ARL15: variants seen among roughly 807,000 people sequenced by gnomAD.
ARL15 encodes the protein ARF like GTPase 15, also known as ADP-ribosylation factor-like protein 15.
ARL15 carries 19 observed loss-of-function variants against 25.2 expected under a neutral mutation model. The observed-to-expected ratio is 0.75, with a 90% confidence interval of 0.53 to 1.10. The LOEUF (loss-of-function observed/expected upper bound fraction) is 1.10, where lower values mean the gene tolerates loss of function less well. ARL15 is among the 50% of genes least tolerant of loss of function. The probability of loss-of-function intolerance (pLI) is 0.00; values close to 1 mark genes in which losing one functional copy is unlikely to be tolerated. For missense variants in ARL15, 220 were observed against 246.0 expected, an observed-to-expected ratio of 0.89 and a Z score of 0.71; for synonymous variants, 94 against 86.8, an observed-to-expected ratio of 1.08 and a Z score of -0.46.
intron 4 of ARL15, among the ~76,000 whole-genome samples, chr5:53,956,088 T>C (rs1293046931): frequency 6.6e-6 from 1 of 152,042 alleles, no homozygotes; most frequent in Non-Finnish European, 1.5e-5. Flanking sequence ...CAGCATGATA[T>C]ACATTCAAAA....
rs561893509 is a variant in ARL15, at chr5:54,297,374, G to A, written c.48+13058C>T. 1.0e-3 allele frequency among the ~76,000 whole-genome samples: 159 copies of A among 152,366 alleles called. 1 individual carries two copies. The highest frequency in any genetic ancestry group is 3.6e-3 in the African/African-American group (150 of 41,594). ...GCTAATGAAGATGGCCCAGGCCAAG[G>A]CCTTTCCAACAGGACTGAAATCTGG... On this transcript the variant is annotated intron_variant, in intron 1 of 4. Coordinates refer to ENST00000504924, the MANE Select transcript of ARL15 (RefSeq NM_019087.3).
chr5:54,307,921 T>C (rs1758800028), intron 1 of ARL15: 1 of 152,190 alleles, frequency 6.6e-6, no homozygotes, highest in Non-Finnish European at 1.5e-5. Context: ...GAGTCAAACT[T>C]GGAATGAAAG....
intron 1 of ARL15, among the ~76,000 whole-genome samples, chr5:54,249,201 C>T (rs1037463348): frequency 5.3e-5 from 8 of 152,138 alleles, no homozygotes; most frequent in African/African-American, 1.4e-4. Context: ...AGACAGGATG[C>T]GGGCTGAAAA....
At chr5:54,273,004 TACC>T (rs1456837592) in intron 1 of ARL15, among the ~76,000 whole-genome samples, 11 of 152,148 alleles carry the variant, frequency 7.2e-5, no homozygotes, top group Non-Finnish European at 1.5e-4. Flanking sequence ...CCACAAGAAC[TACC>T]TAGTATAGAA....
intron 1 of ARL15, among the ~76,000 whole-genome samples, chr5:54,197,134 A>AT (rs1221965092): frequency 2.0e-5 from 3 of 149,258 alleles, no homozygotes; most frequent in African/African-American, 7.4e-5. Context: ...TTTTTTTTTT[A>AT]TTTTTTTACT....
At chr5:54,249,040 A>C (rs978830716) in intron 1 of ARL15, among the ~76,000 whole-genome samples, 32 of 152,172 alleles carry the variant, frequency 2.1e-4, no homozygotes, top group African/African-American at 7.7e-4. Context: ...CTGTCTCTAA[A>C]AAAAATAATA....
intron 1 of ARL15, among the ~76,000 whole-genome samples, chr5:54,256,260 T>C (rs1055512791): frequency 2.0e-5 from 3 of 151,500 alleles, no homozygotes; most frequent in African/African-American, 7.3e-5. Flanking sequence ...ATACAAAAGA[T>C]CATTTGAGAC....
intron 4 of ARL15, among the ~76,000 whole-genome samples, chr5:53,907,481 T>TATATAC (rs1554025285): frequency 5.7e-5 from 2 of 35,052 alleles, no homozygotes; most frequent in African/African-American, 2.7e-4. Flanking sequence ...TATATATATA[T>TATATAC]ATATATATTT....
intron 1 of ARL15, among the ~76,000 whole-genome samples, chr5:54,176,995 A>C (rs1340299118): frequency 2.0e-5 from 3 of 152,046 alleles, no homozygotes; most frequent in African/African-American, 7.2e-5. Flanking sequence ...AAACACACAC[A>C]ACCTGTCCCC....
At chr5:54,303,188 G>A (rs1758656187) in intron 1 of ARL15, among the ~76,000 whole-genome samples, 1 of 151,980 alleles carries the variant, frequency 6.6e-6, no homozygotes, top group Non-Finnish European at 1.5e-5. Context: ...TTCCCAGGCA[G>A]TGCGTGGCAA....
intron 3 of ARL15, among the ~76,000 whole-genome samples, chr5:54,143,106 A>G (rs770670000): frequency 1.3e-5 from 2 of 152,194 alleles, no homozygotes; most frequent in Non-Finnish European, 2.9e-5. Flanking sequence ...ATAAAAATAT[A>G]CAATTATCAA....
intron 3 of ARL15, among the ~76,000 whole-genome samples, chr5:54,125,075 G>GTTTTTTTTTTTTT (rs774608441): frequency 3.8e-4 from 51 of 134,940 alleles, no homozygotes; most frequent in African/African-American, 7.0e-4. Context: ...TTTTTGTTTT[G>GTTTTTTTTTTTTT]TTTTGTTTTG....
In ARL15 at chr5:53,921,716, G is replaced by C. The variant is rs1009579527; in HGVS notation, c.463-35003C>G. Among the ~76,000 whole-genome samples the C allele has an allele frequency of 3.3e-5, 5 of 152,304 alleles. 1 individual carries two copies. Among genetic ancestry groups the C allele is most frequent in the African/African-American group, 1.2e-4 (5 of 41,562 alleles). On this transcript the variant is annotated intron_variant, in intron 4 of 4. Coordinates refer to ENST00000504924, the MANE Select transcript of ARL15 (RefSeq NM_019087.3). ...GAACCCAGGAGGCGGATGTTGCAGT[G>C]AGCCGAGATTGTGCCACTGCACTCC...
chr5:54,293,804 A>G (rs1448127096), intron 1 of ARL15, among the ~76,000 whole-genome samples: 2 of 151,802 alleles, frequency 1.3e-5, no homozygotes, highest in Non-Finnish European at 2.9e-5. Context: ...CCTTCAAACA[A>G]CTAAAGCCAC....
In ARL15 at chr5:54,116,521, T is replaced by C. The variant is rs149263086; in HGVS notation, c.254-3111A>G. 3.1e-3 allele frequency among the ~76,000 whole-genome samples: 469 copies of C among 152,322 alleles called. 2 individuals carry two copies. Among genetic ancestry groups the C allele is most frequent in the Admixed American group, 8.4e-3 (128 of 15,302 alleles). On this transcript the variant is annotated intron_variant, in intron 3 of 4. Coordinates refer to ENST00000504924, the MANE Select transcript of ARL15 (RefSeq NM_019087.3). ...TTTCACTAACATGAAGGATGTGCAG[T>C]GCACAGTTTTCATTGTAAGACTCAA... is the stretch of plus-strand genomic sequence containing the variant.
chr5:53,965,865 G>A (rs1747543171), intron 4 of ARL15, among the ~76,000 whole-genome samples: 1 of 152,134 alleles, frequency 6.6e-6, no homozygotes, highest in African/African-American at 2.4e-5. Flanking sequence ...GGATAAAAAT[G>A]TAAAAGAATT....
At chr5:54,004,860 A>G (rs1415691924) in intron 4 of ARL15, among the ~76,000 whole-genome samples, 2 of 152,126 alleles carry the variant, frequency 1.3e-5, no homozygotes. Flanking sequence ...ACAGAAGAAA[A>G]GAAATGTACA....
chr5:54,217,807 T>C (rs192238045), intron 1 of ARL15, among the ~76,000 whole-genome samples: 15 of 152,286 alleles, frequency 9.8e-5, no homozygotes, highest in Admixed American at 9.8e-4. Context: ...TATATAGCCA[T>C]TTTACAAATA....
Position 54,138,471 on chromosome 5 carries a change from TAGA to T in ARL15, c.253+16106_253+16108del, listed in dbSNP as rs145415051. Among the ~76,000 whole-genome samples, 849 of 152,218 alleles carry T rather than the reference TAGA, an allele frequency of 5.6e-3. 7 individuals carry two copies. The highest frequency in any genetic ancestry group is 0.019 in the African/African-American group (780 of 41,514). ...TGCTGGAAAACAAGATGACCAGATG[TAGA>T]AGAACAAAACTGGATCCCTACCTCT... On this transcript the variant is annotated intron_variant, in intron 3 of 4. Coordinates refer to ENST00000504924, the MANE Select transcript of ARL15 (RefSeq NM_019087.3).
Sources: gnomAD v4.1 joint callset for allele counts (sites outside exome capture counted in the v4.1 genomes callset) on GRCh38, gnomAD v4.1.1 for gene constraint, MANE v1.5 for transcripts, NCBI Gene and HGNC (gene_info 2026-07-23, HGNC 2026-07-21) for gene names.